Variants in MCTP2 observed in about 807,000 individuals in gnomAD.
MCTP2 encodes the protein multiple C2 and transmembrane domain containing 2.
In MCTP2, 132 loss-of-function variants were observed where a neutral mutation model predicts 111.6. The ratio of observed to expected loss-of-function variants is 1.18; its 90% CI spans 1.03 to 1.37. The LOEUF (loss-of-function observed/expected upper bound fraction) is 1.37, where lower values mean the gene tolerates loss of function less well. Among genes scored for constraint, MCTP2 ranks in the 40% most tolerant of loss-of-function variants. The pLI is 0.00. For synonymous variants in MCTP2, 395 were observed against 387.7 expected (o/e 1.02, Z -0.22); for missense variants, 1,183 against 1,067.9 (o/e 1.11, Z -1.50).
intron 19 of MCTP2, among the ~76,000 whole-genome samples, chr15:94,457,792 A>G (rs2084929562): frequency 6.6e-6 from 1 of 152,188 alleles, no homozygotes; most frequent in African/African-American, 2.4e-5. Flanking sequence ...AAACCTGTGG[A>G]GACAGAGGAA....
chr15:94,445,552 A>G (rs1337909190), intron 19 of MCTP2, among the ~76,000 whole-genome samples: 1 of 152,098 alleles, frequency 6.6e-6, no homozygotes, highest in African/African-American at 2.4e-5. Flanking sequence ...AGACTTTTTG[A>G]GTGCACATAC....
At chr15:94,379,056 G>GTTTTTTT (rs1196936486) in intron 12 of MCTP2, among the ~76,000 whole-genome samples, 1 of 150,850 alleles carries the variant, frequency 6.6e-6, no homozygotes, top group South Asian at 2.1e-4. Context: ...TGAGAAGTTA[G>GTTTTTTT]TTTTTTGTTT....
rs143513914 is a variant in MCTP2, at chr15:94,237,025, A to T, written c.-66+5361A>T. On this transcript the variant is annotated intron_variant, in intron 1 of 22. Transcript: ENST00000357742. Reference sequence around the variant, plus strand: ...GCTGCTGGCTTGGTGCCAGTAACATAAGTCAGTATTGGAGGAGGAGAAGCC... The same window carrying T: ...GCTGCTGGCTTGGTGCCAGTAACATTAGTCAGTATTGGAGGAGGAGAAGCC... Among the ~76,000 whole-genome samples, 8 of 152,214 alleles carry T rather than the reference A, an allele frequency of 5.3e-5. No individual in the cohort carries two copies. The East Asian group carries it at 1.5e-3, about 29-fold the overall frequency.
intron 4 of MCTP2, among the ~76,000 whole-genome samples, chr15:94,332,091 T>A (rs1462092285): frequency 6.6e-6 from 1 of 152,150 alleles, no homozygotes; most frequent in Non-Finnish European, 1.5e-5. Context: ...TATAGATTTT[T>A]CTCTGCATGG....
At chr15:94,358,158 C>G (rs2060376) in intron 9 of MCTP2, among the ~76,000 whole-genome samples, 74,896 of 152,014 alleles carry the variant, frequency 0.49, 18,532 homozygotes, top group Admixed American at 0.54. Flanking sequence ...TCCTATAAGA[C>G]AGACAATTGT....
intron 17 of MCTP2, among the ~76,000 whole-genome samples, chr15:94,414,458 C>A (rs1399834016): frequency 6.6e-6 from 1 of 152,122 alleles, no homozygotes; most frequent in African/African-American, 2.4e-5. Context: ...TGACCAAAAT[C>A]TAATCCGTTA....
At chr15:94,461,705 G>A (rs192911376) in intron 20 of MCTP2, among the ~76,000 whole-genome samples, 2 of 152,196 alleles carry the variant, frequency 1.3e-5, no homozygotes, top group African/African-American at 4.8e-5. Context: ...ATAAGAAGTA[G>A]AACTGCCCTG....
At chr15:94,402,063 C>A (rs1285943035) in intron 17 of MCTP2, 44 bp downstream of exon 17, 2 of 1,595,656 alleles carry the variant, frequency 1.3e-6, no homozygotes, top group Admixed American at 3.4e-5. Context: ...TTCTTATTTG[C>A]ATCTATTCAT....
chr15:94,348,494 C>T (rs1241257052), intron 8 of MCTP2, among the ~76,000 whole-genome samples: 1 of 110,588 alleles, frequency 9.0e-6, no homozygotes, highest in Non-Finnish European at 1.8e-5. Context: ...CTCTGTCTTC[C>T]TCTCTCTCTC....
At position 94,461,026 on chromosome 15, in the gene MCTP2, G is replaced by C. The variant is rs555784592; in HGVS notation, c.2360+2780G>C. On this transcript the variant is annotated intron_variant, in intron 20 of 22. Coordinates refer to ENST00000357742, the MANE Select transcript of MCTP2 (RefSeq NM_001385001.1). ...AAGGCTTCCCTGATACTGATGGGTT[G>C]GGGGGGACCCCAGTGGTGTTGCATT... is the stretch of plus-strand genomic sequence containing the variant. Among the ~76,000 whole-genome samples the C allele has an allele frequency of 4.5e-3, 680 of 151,034 alleles. 2 individuals carry two copies. Among genetic ancestry groups the C allele is most frequent in the African/African-American group, 0.016 (649 of 41,452 alleles).
At chr15:94,260,458 T>C (rs1269660926) in intron 1 of MCTP2, among the ~76,000 whole-genome samples, 1 of 152,208 alleles carries the variant, frequency 6.6e-6, no homozygotes, top group Non-Finnish European at 1.5e-5. Flanking sequence ...TCTTCTCTCA[T>C]GGGCCACAGA....
chr15:94,300,890 G>GT (rs1390502001), intron 2 of MCTP2, among the ~76,000 whole-genome samples: 1 of 152,162 alleles, frequency 6.6e-6, no homozygotes, highest in Non-Finnish European at 1.5e-5. Flanking sequence ...GGTGATGAGT[G>GT]TTTTGCTCTA....
intron 4 of MCTP2, among the ~76,000 whole-genome samples, chr15:94,332,386 G>A (rs1172008853): frequency 6.6e-6 from 1 of 152,106 alleles, no homozygotes; most frequent in East Asian, 1.9e-4. Flanking sequence ...TGTATATTCA[G>A]AAGACTATAA....
intron 18 of MCTP2, 27 bp from the exon 19 acceptor site, chr15:94,442,892 C>T: frequency 6.2e-7 from 1 of 1,606,664 alleles, no homozygotes; most frequent in South Asian, 1.1e-5. Flanking sequence ...GTTGATGTTT[C>T]TATAAACACG....
chr15:94,314,714 T>G, intron 3 of MCTP2: 1 of 470,788 alleles, frequency 2.1e-6, no homozygotes, highest in Non-Finnish European at 4.2e-6. Flanking sequence ...TTATTTGCCC[T>G]TTTCCCTTTA....
At chr15:94,281,939 G>A (rs2074509456) in intron 1 of MCTP2, among the ~76,000 whole-genome samples, 1 of 151,902 alleles carries the variant, frequency 6.6e-6, no homozygotes, top group Non-Finnish European at 1.5e-5. Context: ...CTTTGTATAT[G>A]ACCTGCCCCT....
At chr15:94,276,904 A>G (rs571194502) in intron 1 of MCTP2, among the ~76,000 whole-genome samples, 44 of 145,814 alleles carry the variant, frequency 3.0e-4, no homozygotes, top group Non-Finnish European at 4.8e-4. Flanking sequence ...TATTACGAGG[A>G]TGGTTAATAT....
chr15:94,398,497 C>T lies in MCTP2; in HGVS notation c.1789-464C>T, dbSNP rs374701811. Reference sequence around the variant, plus strand: ...ACTCTGATCCCTATTTGGATTTCACCGGTTTTTGCACCAATATCTTTTTTC... The same window carrying T: ...ACTCTGATCCCTATTTGGATTTCACTGGTTTTTGCACCAATATCTTTTTTC... On this transcript the variant is annotated intron_variant, in intron 14 of 22. Transcript: ENST00000357742. 1.5e-4 allele frequency among the ~76,000 whole-genome samples: 23 copies of T among 152,266 alleles called. No individual in the cohort carries two copies. The South Asian group carries it at 2.7e-3, about 18-fold the overall frequency.
At position 94,482,203 on chromosome 15, in the gene MCTP2, T is replaced by C. The variant is rs981952197; in HGVS notation, c.*3169T>C. 3 of 152,364 alleles carry C rather than the reference T, an allele frequency of 2.0e-5. No individual in the cohort carries two copies. The South Asian group carries it at 6.2e-4, about 32-fold the overall frequency. The allele number at this position is 152,364 out of a possible 1,614,324, so 9.4% of individuals were successfully genotyped here. On this transcript the variant is annotated 3_prime_UTR_variant, in exon 23 of 23. Transcript: ENST00000357742. ...AAACAGATACTTTCAAGCAACAGCA[T>C]GCCATGCTCAGATTTAAGTTTGAAA... is the stretch of plus-strand genomic sequence containing the variant.
Sources: gnomAD v4.1 joint callset for allele counts (sites outside exome capture counted in the v4.1 genomes callset) on GRCh38, gnomAD v4.1.1 for gene constraint, MANE v1.5 for transcripts, NCBI Gene and HGNC (gene_info 2026-07-23, HGNC 2026-07-21) for gene names.